COL5A2: variants seen among roughly 807,000 people sequenced by gnomAD.
COL5A2 encodes collagen alpha-2(V) chain.
In COL5A2, 23 loss-of-function variants were observed where a neutral mutation model predicts 208.2. The ratio of observed to expected loss-of-function variants is 0.11; its 90% CI spans 0.08 to 0.16. The LOEUF is 0.16. Among genes scored for constraint, COL5A2 ranks in the 10% least tolerant of loss-of-function variants. The pLI is 1.00. For missense variants in COL5A2, 1,590 were observed against 1,956.4 expected (o/e 0.81, Z 3.53); for synonymous variants, 625 against 628.5 (o/e 0.99, Z 0.08).
the COL5A2 span, among the ~76,000 whole-genome samples, chr2:189,327,100 TA>T: frequency 6.8e-6 from 1 of 147,778 alleles, no homozygotes; most frequent in Non-Finnish European, 1.5e-5. Context: ...TAATAATAAA[TA>T]AAAAATAATG....
chr2:189,062,443 CT>C lies in COL5A2; in HGVS notation c.1977+421del, dbSNP rs1179213609. Among the ~76,000 whole-genome samples, 4 of 151,992 alleles carry C rather than the reference CT, an allele frequency of 2.6e-5. No homozygotes were observed. The East Asian group carries it at 7.7e-4, about 29-fold the overall frequency. On this transcript the variant is annotated intron_variant, in intron 29 of 53. Transcript: ENST00000374866. ...AGGTAATCCACCTACCCTGGCCTCC[CT>C]AAGTGCTGGGATTACAGGCGTGAGC...
At chr2:189,231,905 T>C in the COL5A2 span, among the ~76,000 whole-genome samples, 168 of 151,376 alleles carry the variant, frequency 1.1e-3, 1 homozygote, top group Non-Finnish European at 2.0e-3. Context: ...AAAGCTGAGG[T>C]GGAGAGGAGT....
intron 1 of COL5A2, among the ~76,000 whole-genome samples, chr2:189,170,107 TTAGA>T (rs372538854): frequency 2.1e-3 from 321 of 152,278 alleles, no homozygotes; most frequent in Middle Eastern, 3.4e-3. Context: ...CATGTAGGTG[TTAGA>T]TAGATAGATA....
the COL5A2 span, among the ~76,000 whole-genome samples, chr2:189,381,514 G>A: frequency 6.6e-6 from 1 of 151,920 alleles, no homozygotes; most frequent in Admixed American, 6.5e-5. Context: ...ATGGAAGGAA[G>A]ATACTTTGTT....
chr2:189,045,755 T>C (rs748691493), intron 46 of COL5A2, 45 bp downstream of exon 46: 9 of 1,450,578 alleles, frequency 6.2e-6, no homozygotes, highest in Admixed American at 3.3e-5. Flanking sequence ...TAACATAGCA[T>C]ATGGGTGTGC....
chr2:189,036,084 C>T lies in COL5A2; in HGVS notation c.4113+532G>A, dbSNP rs147302819. 6.7e-4 allele frequency among the ~76,000 whole-genome samples: 102 copies of T among 151,820 alleles called. 2 individuals are homozygous for T. In the East Asian group the frequency reaches 0.015, roughly 23 times the overall value. On this transcript the variant is annotated intron_variant, in intron 52 of 53. Coordinates refer to ENST00000374866, the MANE Select transcript of COL5A2 (RefSeq NM_000393.5). Reference sequence around the variant, plus strand: ...TAGTAGTTATCTAATATTAATTTACCATCTATCCCATAGTACAAGAGACCC... The same window carrying T: ...TAGTAGTTATCTAATATTAATTTACTATCTATCCCATAGTACAAGAGACCC...
intron 44 of COL5A2, among the ~76,000 whole-genome samples, chr2:189,048,663 T>G (rs1685720688): frequency 6.6e-6 from 1 of 152,226 alleles, no homozygotes; most frequent in Admixed American, 6.5e-5. Flanking sequence ...ATTAAACTAC[T>G]TTAAGAAATA....
At chr2:189,242,113 T>A in the COL5A2 span, among the ~76,000 whole-genome samples, 1 of 152,228 alleles carries the variant, frequency 6.6e-6, no homozygotes, top group Admixed American at 6.5e-5. Context: ...ATTAGCCTTG[T>A]CATATGTATA....
the COL5A2 span, among the ~76,000 whole-genome samples, chr2:189,252,004 T>C: frequency 1.3e-5 from 2 of 152,006 alleles, no homozygotes; most frequent in African/African-American, 4.8e-5. Flanking sequence ...AAAAGACACA[T>C]GAAAAAATGC....
chr2:189,286,901 T>C, the COL5A2 span, among the ~76,000 whole-genome samples: 3 of 152,164 alleles, frequency 2.0e-5, no homozygotes, highest in Non-Finnish European at 4.4e-5. Flanking sequence ...TTTTTACCTA[T>C]TATTCTTTCA....
chr2:189,202,814 T>G (rs1287167473), intron 1 of COL5A2, among the ~76,000 whole-genome samples: 2 of 152,122 alleles, frequency 1.3e-5, no homozygotes, highest in Non-Finnish European at 2.9e-5. Context: ...TAAAATTCAT[T>G]TATTAACCTT....
chr2:189,270,598 T>C, the COL5A2 span, among the ~76,000 whole-genome samples: 1 of 152,150 alleles, frequency 6.6e-6, no homozygotes, highest in Non-Finnish European at 1.5e-5. Context: ...AGACTGTTTG[T>C]TACGACTTCC....
the COL5A2 span, among the ~76,000 whole-genome samples, chr2:189,344,949 G>A: frequency 6.6e-6 from 1 of 152,174 alleles, no homozygotes; most frequent in Non-Finnish European, 1.5e-5. Context: ...AACACCAGAG[G>A]TTCAGACTAG....
chr2:189,386,967 T>C, the COL5A2 span, among the ~76,000 whole-genome samples: 6 of 152,152 alleles, frequency 3.9e-5, no homozygotes, highest in Non-Finnish European at 5.9e-5. Context: ...TTACTGAGTA[T>C]ATACCCAAAG....
At chr2:189,200,330 T>A (rs1365334943) in intron 1 of COL5A2, among the ~76,000 whole-genome samples, 1 of 152,098 alleles carries the variant, frequency 6.6e-6, no homozygotes, top group Admixed American at 6.6e-5. Context: ...TACCTCAAAA[T>A]AAATATGGAA....
intron 1 of COL5A2, among the ~76,000 whole-genome samples, chr2:189,220,495 A>G (rs987057916): frequency 4.0e-5 from 6 of 151,738 alleles, no homozygotes; most frequent in African/African-American, 1.4e-4. Flanking sequence ...ATAAGTGCAA[A>G]TGTTCTTCCA....
chr2:189,106,420 T>C (rs1457187136), intron 2 of COL5A2, among the ~76,000 whole-genome samples: 1 of 151,412 alleles, frequency 6.6e-6, no homozygotes, highest in Non-Finnish European at 1.5e-5. Context: ...TTATACATAG[T>C]AAACCTATTA....
intron 1 of COL5A2, among the ~76,000 whole-genome samples, chr2:189,195,735 A>G (rs1406649037): frequency 1.3e-5 from 2 of 152,198 alleles, no homozygotes; most frequent in Admixed American, 6.5e-5. Context: ...TATTTAATAA[A>G]TGGTGCTGAG....
At chr2:189,426,467 C>A in the COL5A2 span, among the ~76,000 whole-genome samples, 1 of 152,200 alleles carries the variant, frequency 6.6e-6, no homozygotes, top group South Asian at 2.1e-4. Context: ...ATCTTTGCTT[C>A]GAGTTTTCCC....
Sources: allele counts gnomAD v4.1 joint callset (sites outside exome capture counted in the v4.1 genomes callset), GRCh38; gene constraint gnomAD v4.1.1; transcripts MANE v1.5; gene names NCBI Gene and HGNC (gene_info 2026-07-23, HGNC 2026-07-21).